The following XPNPEP3 variants were observed in gnomAD, a reference collection of about 807,000 sequenced individuals.
XPNPEP3 encodes the protein xaa-Pro aminopeptidase 3.
XPNPEP3 carries 41 observed loss-of-function variants against 60.0 expected under a neutral mutation model. That is an observed-to-expected ratio of 0.68 (90% CI 0.53 to 0.89). The LOEUF is 0.89. XPNPEP3 is among the 40% of genes least tolerant of loss of function. The probability of loss-of-function intolerance (pLI) is 0.00; values close to 1 mark genes in which losing one functional copy is unlikely to be tolerated. For missense variants in XPNPEP3, 598 were observed against 638.9 expected, an observed-to-expected ratio of 0.94 and a Z score of 0.69; for synonymous variants, 212 against 223.2, an observed-to-expected ratio of 0.95 and a Z score of 0.45.
chr22:40,871,574 T>G (rs1273445977), intron 2 of XPNPEP3, among the ~76,000 whole-genome samples: 1 of 152,244 alleles, frequency 6.6e-6, no homozygotes, highest in Non-Finnish European at 1.5e-5. Flanking sequence ...CATAGATTTT[T>G]TTTTTAATTA....
intron 6 of XPNPEP3, among the ~76,000 whole-genome samples, chr22:40,912,853 A>G (rs1169660917): frequency 2.0e-5 from 3 of 152,154 alleles, no homozygotes; most frequent in African/African-American, 4.8e-5. Context: ...TCTGGGCAAT[A>G]GAGCAAGACT....
intron 1 of XPNPEP3, among the ~76,000 whole-genome samples, chr22:40,868,386 G>C (rs548549870): frequency 6.6e-6 from 1 of 151,614 alleles, no homozygotes; most frequent in African/African-American, 2.4e-5. Flanking sequence ...CCTTTCTTCT[G>C]TTTTCATAGC....
Position 40,914,324 on chromosome 22 carries a change from G to C in XPNPEP3, c.1055G>C (p.Arg352Thr). The C allele has an allele frequency of 6.2e-7, 1 of 1,613,546 alleles. No individual in the cohort carries two copies. The highest frequency in any genetic ancestry group is 8.5e-7 in the Non-Finnish European group (1 of 1,179,612). Residue 352 changes from arginine to threonine, a missense_variant and splice_region_variant, in exon 7 of 10, where the codon AGG (arginine) becomes ACG (threonine). Physicochemically the swap from Arg to Thr is moderately conservative, Grantham distance 71. Transcript: ENST00000357137. The stretch of plus-strand genomic sequence containing the variant: ...ACACGTACGTGGCCAGTCAATGGCA[G>C]GTAGGGCTTCTACAGAGTAACGTAT... ...DITRTWPVNG[R>T]FTAPQAELYE...
intron 4 of XPNPEP3, 25 bp downstream of exon 4, chr22:40,886,540 T>C (rs1282776465): frequency 6.2e-7 from 1 of 1,610,150 alleles, no homozygotes; most frequent in East Asian, 2.2e-5. Context: ...GAAAAGTTTT[T>C]TCCAGCCGGG....
chr22:40,904,548 C>G (rs531781947), intron 4 of XPNPEP3, among the ~76,000 whole-genome samples: 5 of 152,018 alleles, frequency 3.3e-5, no homozygotes, highest in Admixed American at 3.3e-4. Flanking sequence ...GACCCCATCT[C>G]TTAAAAAAAA....
intron 2 of XPNPEP3, among the ~76,000 whole-genome samples, chr22:40,880,977 A>G (rs1261447420): frequency 1.3e-5 from 2 of 152,066 alleles, no homozygotes; most frequent in Non-Finnish European, 2.9e-5. Context: ...TGTTATTGAA[A>G]TGTTTTAAAA....
intron 6 of XPNPEP3, among the ~76,000 whole-genome samples, chr22:40,913,571 C>T (rs2058184427): frequency 6.6e-6 from 1 of 151,230 alleles, no homozygotes; most frequent in African/African-American, 2.4e-5. Context: ...TTTCATAAAG[C>T]AAAGGCATAT....
At position 40,857,212 on chromosome 22, in the gene XPNPEP3, GT is replaced by G. The variant is rs1307855950; in HGVS notation, c.33del (p.Ala13LeufsTer2). 6.2e-7 allele frequency: 1 copy of G among 1,614,108 alleles called. No individual in the cohort carries two copies. Among genetic ancestry groups the G allele is most frequent in the Non-Finnish European group, 8.5e-7 (1 of 1,180,048 alleles). ...TTGGCTGCTCTCAGCCCCCAAGCTG[GT>G]TCCCGCTGTAGCAAACGTCCGCGGC... MPWLLSAPKL[V>X]PAVANVRGLS... On this transcript the variant is annotated frameshift_variant, in exon 1 of 10. Transcript: ENST00000357137. LOFTEE classifies it high-confidence loss of function.
chr22:40,911,563 G>A (rs2146272595), intron 6 of XPNPEP3, among the ~76,000 whole-genome samples: 1 of 148,890 alleles, frequency 6.7e-6, no homozygotes, highest in Admixed American at 6.7e-5. Flanking sequence ...TTTTCAGATG[G>A]AGTTTCACTC....
rs926023477 is a variant in XPNPEP3 at position 40,924,558 on chromosome 22, C to G, written c.1357+76C>G. On this transcript the variant is annotated intron_variant, in intron 9 of 9. Transcript: ENST00000357137. ...TTTGTTTTTGAGATGGAGTTTTGCTCTTTCGCCCAGGCTGGAGTGAAGTGG... is the reference window on the plus strand; with the variant it reads ...TTTGTTTTTGAGATGGAGTTTTGCTGTTTCGCCCAGGCTGGAGTGAAGTGG... 5.1e-6 allele frequency: 8 copies of G among 1,579,706 alleles called. No individual in the cohort carries two copies. In the African/African-American group the frequency reaches 8.1e-5, roughly 16 times the overall value.
At chr22:40,858,839 AT>A (rs1396352636) in intron 1 of XPNPEP3, among the ~76,000 whole-genome samples, 8 of 152,160 alleles carry the variant, frequency 5.3e-5, no homozygotes, top group Non-Finnish European at 7.3e-5. Flanking sequence ...TTAGGAAAAG[AT>A]TTTTTGAAAG....
intron 4 of XPNPEP3, among the ~76,000 whole-genome samples, chr22:40,902,406 CG>C (rs2058137940): frequency 6.6e-6 from 1 of 152,008 alleles, no homozygotes; most frequent in Non-Finnish European, 1.5e-5. Context: ...GCCTGCCACA[CG>C]CCCAGCTAAT....
chr22:40,885,047 C>T (rs1249086722), intron 3 of XPNPEP3, among the ~76,000 whole-genome samples: 5 of 151,610 alleles, frequency 3.3e-5, no homozygotes, highest in Admixed American at 1.3e-4. Context: ...AAAAATTACA[C>T]GACAATTAAA....
chr22:40,882,448 C>A (rs1050947214), intron 3 of XPNPEP3, among the ~76,000 whole-genome samples: 2 of 152,010 alleles, frequency 1.3e-5, no homozygotes, highest in Non-Finnish European at 2.9e-5. Flanking sequence ...ACCAACCTGG[C>A]CAACATGGCG....
chr22:40,882,245 A>C, intron 3 of XPNPEP3, 68 bp downstream of exon 3: 1 of 1,556,498 alleles, frequency 6.4e-7, no homozygotes, highest in Non-Finnish European at 8.8e-7. Context: ...GCCTGTTTAG[A>C]CAAGTCCTTA....
chr22:40,878,669 C>T (rs750068408), intron 2 of XPNPEP3, among the ~76,000 whole-genome samples: 1 of 151,922 alleles, frequency 6.6e-6, no homozygotes, highest in Non-Finnish European at 1.5e-5. Flanking sequence ...TCACTGCAAC[C>T]TCTGCCTCCT....
chr22:40,900,687 G>C (rs1175160096), intron 4 of XPNPEP3, among the ~76,000 whole-genome samples: 3 of 152,152 alleles, frequency 2.0e-5, no homozygotes, highest in African/African-American at 7.2e-5. Flanking sequence ...CCAACACTTT[G>C]AGAGGCCAAG....
At chr22:40,861,661 A>ATTT in intron 1 of XPNPEP3, 1 of 1,614,176 alleles carries the variant, frequency 6.2e-7, no homozygotes, top group Middle Eastern at 1.7e-4. Flanking sequence ...GAGTCTTCAA[A>ATTT]GAAGTGAAAA....
chr22:40,863,550 A>G (rs1490170950), intron 1 of XPNPEP3, among the ~76,000 whole-genome samples: 1 of 152,168 alleles, frequency 6.6e-6, no homozygotes, highest in Non-Finnish European at 1.5e-5. Context: ...ATTTTTATAT[A>G]TACTCATTTT....
Sources: gnomAD v4.1 joint callset for allele counts (sites outside exome capture counted in the v4.1 genomes callset) on GRCh38, gnomAD v4.1.1 for gene constraint, MANE v1.5 for transcripts, NCBI Gene and HGNC (gene_info 2026-07-23, HGNC 2026-07-21) for gene names.